The following TRIP4 variants were observed in gnomAD, a reference collection of about 807,000 sequenced individuals.
TRIP4 encodes thyroid hormone receptor interactor 4.
In TRIP4, 54 loss-of-function variants were observed where a neutral mutation model predicts 81.8. The ratio of observed to expected loss-of-function variants is 0.66; its 90% CI spans 0.53 to 0.83. The LOEUF is 0.83. TRIP4 is among the 40% of genes least tolerant of loss of function. The pLI is 0.00. For synonymous variants in TRIP4, 270 were observed against 242.8 expected, an observed-to-expected ratio of 1.11 and a Z score of -1.04; for missense variants, 662 against 683.6, an observed-to-expected ratio of 0.97 and a Z score of 0.35.
In TRIP4 at chr15:64,387,968, A is replaced by G. The variant is rs1213777365; in HGVS notation, c.101+4A>G. 4 of 1,548,774 alleles carry G rather than the reference A, an allele frequency of 2.6e-6. No individual in the cohort carries two copies. In the South Asian group the frequency reaches 4.8e-5, roughly 18 times the overall value. ...ATGTCAGCGAGGAGATCATTCAGTG[A>G]GAACAGTTCGGGTCCAAGCGGGGAA... On this transcript the variant is annotated splice_donor_region_variant and intron_variant, in intron 1 of 12. Coordinates refer to ENST00000261884, the MANE Select transcript of TRIP4 (RefSeq NM_016213.5).
chr15:64,429,298 CAA>C (rs968410793), intron 11 of TRIP4, among the ~76,000 whole-genome samples: 12 of 151,704 alleles, frequency 7.9e-5, no homozygotes, highest in Admixed American at 2.6e-4. Flanking sequence ...GCCTGAGTGA[CAA>C]GAGCAAAATT....
intron 9 of TRIP4, among the ~76,000 whole-genome samples, chr15:64,420,604 A>G (rs1891991221): frequency 6.6e-6 from 1 of 151,456 alleles, no homozygotes; most frequent in Admixed American, 6.6e-5. Flanking sequence ...GCTCACTGCA[A>G]GCTCCGCCTC....
chr15:64,389,132 C>T (rs573925000), intron 1 of TRIP4, among the ~76,000 whole-genome samples: 2 of 152,164 alleles, frequency 1.3e-5, no homozygotes, highest in East Asian at 1.9e-4. Flanking sequence ...ACAGAGGTGG[C>T]GGTCCAAAGT....
intron 7 of TRIP4, among the ~76,000 whole-genome samples, chr15:64,411,875 G>T (rs896727359): frequency 6.6e-6 from 1 of 151,888 alleles, no homozygotes; most frequent in Non-Finnish European, 1.5e-5. Context: ...TAGAGACAGG[G>T]TTTCACCGTG....
At chr15:64,392,610 C>G (rs1036838979) in intron 1 of TRIP4, among the ~76,000 whole-genome samples, 2 of 151,718 alleles carry the variant, frequency 1.3e-5, no homozygotes, top group Admixed American at 6.6e-5. Flanking sequence ...TGGGAGCCAT[C>G]ATGCCCCACC....
At position 64,394,073 on chromosome 15, in the gene TRIP4, G is replaced by A; in HGVS notation, c.229G>A (p.Glu77Lys). 6.2e-7 allele frequency: 1 copy of A among 1,608,252 alleles called. No homozygotes were observed. Among genetic ancestry groups the A allele is most frequent in the Non-Finnish European group, 8.5e-7 (1 of 1,177,410 alleles). ...LITKWQKNDQ[E>K]LISDPLQQCF... ...AACCAAATGGCAAAAGAATGATCAGGAGTTGATTTCGGATCCTTTGCAGCA... is the reference window on the plus strand; with the variant it reads ...AACCAAATGGCAAAAGAATGATCAGAAGTTGATTTCGGATCCTTTGCAGCA... Residue 77 changes from glutamate to lysine, a missense_variant, in exon 2 of 13, where the codon GAG becomes AAG. Glu to Lys is a moderately conservative substitution (Grantham distance 56). Coordinates refer to ENST00000261884, the MANE Select transcript of TRIP4 (RefSeq NM_016213.5).
intron 1 of TRIP4, among the ~76,000 whole-genome samples, chr15:64,389,271 A>G (rs1216030657): frequency 6.6e-6 from 1 of 152,188 alleles, no homozygotes; most frequent in African/African-American, 2.4e-5. Flanking sequence ...AGGAAGTAAG[A>G]TGAGTTTCTG....
At chr15:64,406,521 A>C in intron 6 of TRIP4, 62 bp downstream of exon 6, 2 of 1,571,168 alleles carry the variant, frequency 1.3e-6, no homozygotes, top group African/African-American at 1.4e-5. Flanking sequence ...TCTGGCCATT[A>C]TTTTGGTACT....
chr15:64,446,166 C>T (rs1178317901), intron 12 of TRIP4, among the ~76,000 whole-genome samples: 2 of 151,420 alleles, frequency 1.3e-5, no homozygotes, highest in African/African-American at 2.4e-5. Context: ...CCCAGCTACT[C>T]GGGAGGCTGA....
intron 6 of TRIP4, among the ~76,000 whole-genome samples, chr15:64,408,249 ATTTTTTTTTT>A (rs796182931): frequency 4.2e-4 from 18 of 42,498 alleles, no homozygotes; most frequent in Admixed American, 2.1e-3. Context: ...AAGAAGACAA[ATTTTTTTTTT>A]TTTTTTTTTT....
chr15:64,422,320 C>T (rs72741316), intron 9 of TRIP4, among the ~76,000 whole-genome samples: 3,229 of 152,280 alleles, frequency 0.021, 61 homozygotes, highest in Non-Finnish European at 0.034. Flanking sequence ...TTCCCCTCTA[C>T]TGTTCAGGCT....
At chr15:64,449,265 ATGTTTGTTTTTTT>A (rs1432037950) in intron 12 of TRIP4, among the ~76,000 whole-genome samples, 1 of 151,078 alleles carries the variant, frequency 6.6e-6, no homozygotes, top group Non-Finnish European at 1.5e-5. Context: ...TGTGGCTTAA[ATGTTTGTTTTTTT>A]TGTTTGTTTT....
intron 1 of TRIP4, among the ~76,000 whole-genome samples, chr15:64,389,066 A>C (rs781181910): frequency 1.3e-5 from 2 of 152,184 alleles, no homozygotes; most frequent in Non-Finnish European, 2.9e-5. Context: ...TTAAGATTTG[A>C]AAAACTCGGA....
intron 11 of TRIP4, among the ~76,000 whole-genome samples, chr15:64,443,252 T>C (rs909837965): frequency 6.6e-6 from 1 of 152,192 alleles, no homozygotes; most frequent in East Asian, 1.9e-4. Flanking sequence ...TTTTGTTTCA[T>C]GCCAGACATT....
rs112308624 is a variant in TRIP4 at position 64,449,225 on chromosome 15, T to A, written c.1678+4117T>A. On this transcript the variant is annotated intron_variant, in intron 12 of 12. Coordinates refer to ENST00000261884, the MANE Select transcript of TRIP4 (RefSeq NM_016213.5). ...AGACCCTGTCTCTAAAAAAAAAAAA[T>A]TAATTAATAGTCTGCTTTACTTATA... Among the ~76,000 whole-genome samples, 568 of 151,528 alleles carry A rather than the reference T, an allele frequency of 3.7e-3. 2 individuals are homozygous for A. The highest frequency in any genetic ancestry group is 6.9e-3 in the Non-Finnish European group (466 of 67,836).
intron 11 of TRIP4, among the ~76,000 whole-genome samples, chr15:64,439,669 G>T (rs1892474585): frequency 6.6e-6 from 1 of 151,420 alleles, no homozygotes; most frequent in African/African-American, 2.4e-5. Flanking sequence ...GATTACAGGT[G>T]CCCGCCATCA....
At chr15:64,410,028 T>G in intron 7 of TRIP4, among the ~76,000 whole-genome samples, 200 bp downstream of exon 7, 1 of 149,684 alleles carries the variant, frequency 6.7e-6, no homozygotes. Flanking sequence ...GGTTTGGTTT[T>G]TTTTTTTTTT....
In TRIP4 at chr15:64,395,543, TAGA is replaced by T; in HGVS notation, c.405+13_405+15del. 6.3e-7 allele frequency: 1 copy of T among 1,598,840 alleles called. No individual in the cohort carries two copies. The highest frequency in any genetic ancestry group is 2.2e-5 in the East Asian group (1 of 44,704). Reference sequence around the variant, plus strand: ...TTGATTTGGCCAAGGTGAGTGCTTATAGATTGAAGCTTTTTCTGACTATTGGAG... The same window carrying T: ...TTGATTTGGCCAAGGTGAGTGCTTATTTGAAGCTTTTTCTGACTATTGGAG... On this transcript the variant is annotated intron_variant, in intron 3 of 12. Coordinates refer to ENST00000261884, the MANE Select transcript of TRIP4 (RefSeq NM_016213.5).
intron 11 of TRIP4, among the ~76,000 whole-genome samples, chr15:64,433,628 T>C (rs151180483): frequency 1.5e-4 from 23 of 152,192 alleles, no homozygotes; most frequent in Non-Finnish European, 2.9e-4. Context: ...AAATAACTTA[T>C]GTAATGTCAG....
Sources: gnomAD v4.1 joint callset for allele counts (sites outside exome capture counted in the v4.1 genomes callset) on GRCh38, gnomAD v4.1.1 for gene constraint, MANE v1.5 for transcripts, NCBI Gene and HGNC (gene_info 2026-07-23, HGNC 2026-07-21) for gene names.